ARHGEF4: variants seen among roughly 807,000 people sequenced by gnomAD.
ARHGEF4 encodes APC-stimulated guanine nucleotide exchange factor 1.
Under a neutral mutation model 162.0 loss-of-function variants are expected in ARHGEF4, and 119 were observed. The observed-to-expected ratio is 0.73, with a 90% CI of 0.63 to 0.86. The LOEUF (loss-of-function observed/expected upper bound fraction) is 0.86. Ranked by LOEUF, ARHGEF4 falls within the 40% of genes least tolerant of loss-of-function variation. The pLI is 0.00. For synonymous variants in ARHGEF4, 1,014 were observed against 979.9 expected (o/e 1.03, Z -0.65); for missense variants, 2,488 against 2,456.0 (o/e 1.01, Z -0.28).
intron 4 of ARHGEF4, among the ~76,000 whole-genome samples, chr2:130,959,318 T>C (rs1188115577): frequency 6.6e-6 from 1 of 152,044 alleles, no homozygotes; most frequent in Non-Finnish European, 1.5e-5. Flanking sequence ...GTTTACAGTG[T>C]CATTTGCCAA....
rs377362651 is a variant in ARHGEF4 at position 131,019,789 on chromosome 2, A to G, written c.3986-8156A>G. On this transcript the variant is annotated intron_variant, in intron 4 of 13. Coordinates refer to ENST00000409359, the MANE Select transcript of ARHGEF4 (RefSeq NM_001367493.1). The stretch of plus-strand genomic sequence containing the variant: ...GCTGGGACTACAGGCGCCTGCCACC[A>G]CGGCCGGCTAATTTTTTTGTATTTT... Among the ~76,000 whole-genome samples the G allele has an allele frequency of 2.9e-3, 439 of 151,974 alleles. 1 individual carries two copies. Among genetic ancestry groups the G allele is most frequent in the South Asian group, 4.0e-3 (19 of 4,810 alleles).
At chr2:130,855,764 A>G (rs568382436) in intron 1 of ARHGEF4, among the ~76,000 whole-genome samples, 17 of 152,216 alleles carry the variant, frequency 1.1e-4, no homozygotes, top group Non-Finnish European at 2.1e-4. Context: ...TGCAGTTTGA[A>G]TAATCTAAGC....
chr2:131,023,077 A>C lies in ARHGEF4; in HGVS notation c.3986-4868A>C, dbSNP rs1346173045. Among the ~76,000 whole-genome samples the C allele has an allele frequency of 6.3e-5, 9 of 143,468 alleles. 1 individual carries two copies. Among genetic ancestry groups the C allele is most frequent in the Non-Finnish European group, 9.0e-5 (6 of 66,922 alleles). The allele number at this position is 143,468 out of a possible 152,430, so 94.1% of individuals were successfully genotyped here. A position where few individuals can be genotyped will look rare whatever the true frequency, so the allele number is the denominator to read the frequency against. On this transcript the variant is annotated intron_variant, in intron 4 of 13. Coordinates refer to ENST00000409359, the MANE Select transcript of ARHGEF4 (RefSeq NM_001367493.1). ...GCAACATGGTGAAACCCTGTCTCAA[A>C]AAAAAAAAAAAAAAAAAAGAACTTT... is the stretch of plus-strand genomic sequence containing the variant.
intron 4 of ARHGEF4, among the ~76,000 whole-genome samples, chr2:131,012,287 A>G (rs1056135624): frequency 6.6e-6 from 1 of 152,122 alleles, no homozygotes; most frequent in Non-Finnish European, 1.5e-5. Flanking sequence ...CTTGAGATGC[A>G]TATCAGGCAT....
chr2:131,022,273 A>C (rs1294517168), intron 4 of ARHGEF4, among the ~76,000 whole-genome samples: 1 of 152,152 alleles, frequency 6.6e-6, no homozygotes, highest in Non-Finnish European at 1.5e-5. Flanking sequence ...AGATGGTAGA[A>C]GCCATCTGGC....
intron 1 of ARHGEF4, among the ~76,000 whole-genome samples, chr2:130,899,163 G>A (rs565353609): frequency 1.3e-5 from 2 of 152,116 alleles, no homozygotes; most frequent in Non-Finnish European, 2.9e-5. Context: ...TTATTTTAAG[G>A]TCAACCGATT....
chr2:130,932,935 C>T (rs1012439334), intron 3 of ARHGEF4, among the ~76,000 whole-genome samples: 4 of 152,094 alleles, frequency 2.6e-5, no homozygotes, highest in East Asian at 1.9e-4. Flanking sequence ...CCAACTTACC[C>T]GCCAGGCGCA....
intron 13 of ARHGEF4, 80 bp from the exon 14 acceptor site, chr2:131,045,958 G>A (rs573197975): frequency 5.8e-5 from 89 of 1,535,196 alleles, no homozygotes; most frequent in East Asian, 4.6e-4. Flanking sequence ...GCCCTGGGAC[G>A]GACCCCATGC....
intron 4 of ARHGEF4, among the ~76,000 whole-genome samples, chr2:130,947,855 G>C (rs1374175372): frequency 1.3e-5 from 2 of 152,218 alleles, no homozygotes; most frequent in African/African-American, 4.8e-5. Flanking sequence ...AGCAGGTGCA[G>C]ATTGTGTTAG....
At chr2:130,950,576 A>G (rs752119884) in intron 4 of ARHGEF4, among the ~76,000 whole-genome samples, 4 of 152,182 alleles carry the variant, frequency 2.6e-5, no homozygotes, top group Non-Finnish European at 4.4e-5. Flanking sequence ...TTGTTGAGCT[A>G]TAGTCATATA....
rs895233244 is a variant in ARHGEF4, at chr2:130,914,867, C to T, written c.921C>T (p.Asn307=). 62 of 1,483,858 alleles carry T rather than the reference C, an allele frequency of 4.2e-5. No individual in the cohort carries two copies. Among genetic ancestry groups the T allele is most frequent in the South Asian group, 2.5e-4 (18 of 71,828 alleles). 91.9% of individuals were successfully genotyped at this position (1,483,858 alleles called of 1,614,324 possible). ...GGACATCTTGCCTCCTACGCACCAA[C>T]CGTCACCATAGTGCCCCAGAAACTA... ...PLRTSCLLRT[N]RHHSAPETTG... Residue 307 remains asparagine (N), a synonymous_variant, in exon 2 of 14, where the codon AAC becomes AAT. Transcript: ENST00000409359.
At chr2:130,883,605 G>C (rs1679331296) in intron 1 of ARHGEF4, among the ~76,000 whole-genome samples, 1 of 152,122 alleles carries the variant, frequency 6.6e-6, no homozygotes, top group Non-Finnish European at 1.5e-5. Flanking sequence ...GGAAACCAGA[G>C]GCAGGAATGG....
intron 5 of ARHGEF4, among the ~76,000 whole-genome samples, chr2:131,032,853 T>TC (rs1553444503): frequency 0.018 from 2,233 of 126,372 alleles, 137 homozygotes; most frequent in East Asian, 0.065. Context: ...TTTTTCTTTT[T>TC]TTTTTTTTTT....
intron 4 of ARHGEF4, among the ~76,000 whole-genome samples, chr2:131,019,639 TTTTTG>T (rs1250044047): frequency 1.6e-4 from 6 of 37,048 alleles, no homozygotes; most frequent in Non-Finnish European, 1.5e-3. Flanking sequence ...TTTGTTTTTG[TTTTTG>T]TTTTTTTGAG....
chr2:131,003,483 G>A (rs1687911160), intron 4 of ARHGEF4, among the ~76,000 whole-genome samples: 1 of 152,194 alleles, frequency 6.6e-6, no homozygotes, highest in Admixed American at 6.5e-5. Context: ...CCCTTAGTAA[G>A]CACCAGTTGA....
At chr2:131,010,662 C>T (rs1477355272) in intron 4 of ARHGEF4, among the ~76,000 whole-genome samples, 1 of 152,162 alleles carries the variant, frequency 6.6e-6, no homozygotes, top group East Asian at 1.9e-4. Flanking sequence ...TCCCTCAAAA[C>T]TGGTTAACTT....
rs1215719144 is a variant in ARHGEF4 at position 130,917,182 on chromosome 2, C to T, written c.3236C>T (p.Ala1079Val). 3 of 1,550,498 alleles carry T rather than the reference C, an allele frequency of 1.9e-6. No individual in the cohort carries two copies. The highest frequency in any genetic ancestry group is 2.4e-5 in the East Asian group (1 of 40,894). ...TLPSSSACCL[A>V]YENPGTPCRP... ...CCTTCCAGCTCTGCCTGCTGCCTGG[C>T]ATATGAAAACCCCGGGACGCCCTGC... is the stretch of plus-strand genomic sequence containing the variant. Residue 1079 changes from alanine (A) to valine (V), a missense_variant, in exon 2 of 14, where the codon GCA becomes GTA. Transcript: ENST00000409359.
chr2:130,931,139 G>C lies in ARHGEF4; in HGVS notation c.3740G>C (p.Arg1247Pro). Reference sequence around the variant, plus strand: ...TCACAGCCTAGGGGCATCCCTCACCGCTCGCCCGTCAGTGTGGATGACCTG... The same window carrying C: ...TCACAGCCTAGGGGCATCCCTCACCCCTCGCCCGTCAGTGTGGATGACCTG... ...APSQPRGIPH[R>P]SPVSVDDLWL... The change falls in exon 3 of 14, where the codon CGC becomes CCC. Residue 1247 changes from arginine to proline, a missense_variant. Physicochemically the swap from Arg to Pro is moderately radical, Grantham distance 103. Around this residue, in one of 6 missense-constraint regions of ARHGEF4, gnomAD observed 1,642 missense variants for 1,481.5 expected, o/e 1.11. Transcript: ENST00000409359. 7.4e-6 allele frequency: 12 copies of C among 1,614,152 alleles called. No individual in the cohort carries two copies. The highest frequency in any genetic ancestry group is 9.3e-6 in the Non-Finnish European group (11 of 1,180,002).
At chr2:130,908,884 AC>A (rs1437971084) in intron 1 of ARHGEF4, among the ~76,000 whole-genome samples, 8 of 152,348 alleles carry the variant, frequency 5.3e-5, no homozygotes, top group Non-Finnish European at 1.2e-4. Context: ...AGACTTGAAG[AC>A]ACGTCACCAG....
Sources: allele counts gnomAD v4.1 joint callset (sites outside exome capture counted in the v4.1 genomes callset), GRCh38; gene constraint gnomAD v4.1.1; regional missense constraint gnomAD v4.1.1; transcripts MANE v1.5; gene names NCBI Gene and HGNC (gene_info 2026-07-23, HGNC 2026-07-21).